Variants in LRP1B observed in about 807,000 individuals in gnomAD.
The protein encoded by LRP1B is LDL receptor related protein 1B.
A neutral mutation model predicts 556.6 loss-of-function variants in LRP1B; 217 were observed. The observed-to-expected ratio is 0.39, with a 90% CI of 0.35 to 0.44. The LOEUF (loss-of-function observed/expected upper bound fraction) is 0.44. Among genes scored for constraint, LRP1B ranks in the 20% least tolerant of loss-of-function variants. LRP1B has a pLI of 1.00. For missense variants in LRP1B, 5,053 were observed against 5,620.8 expected, an observed-to-expected ratio of 0.90 and a Z score of 3.23; for synonymous variants, 2,047 against 1,865.8, an observed-to-expected ratio of 1.10 and a Z score of -2.50.
chr2:140,327,085 T>A (rs532391816), intron 79 of LRP1B, among the ~76,000 whole-genome samples: 1 of 152,224 alleles, frequency 6.6e-6, no homozygotes, highest in East Asian at 1.9e-4. Context: ...TATTGCATAC[T>A]TCGGAAGTAC....
intron 79 of LRP1B, among the ~76,000 whole-genome samples, chr2:140,332,708 AAC>A (rs1342185163): frequency 2.0e-5 from 3 of 151,974 alleles, no homozygotes; most frequent in Non-Finnish European, 4.4e-5. Flanking sequence ...CTCGACCTGA[AAC>A]ACAGTTTACT....
At chr2:140,464,899 G>A (rs1687478982) in intron 60 of LRP1B, among the ~76,000 whole-genome samples, 2 of 152,054 alleles carry the variant, frequency 1.3e-5, no homozygotes, top group South Asian at 2.1e-4. Flanking sequence ...TCATATTCCT[G>A]CAATTATAAA....
At chr2:140,609,968 G>C (rs1382051869) in intron 41 of LRP1B, among the ~76,000 whole-genome samples, 1 of 151,820 alleles carries the variant, frequency 6.6e-6, no homozygotes, top group Non-Finnish European at 1.5e-5. Flanking sequence ...CCTTATCTCG[G>C]GTTAGTGTCC....
At chr2:141,408,141 AT>A (rs35914905) in intron 3 of LRP1B, among the ~76,000 whole-genome samples, 6,015 of 123,782 alleles carry the variant, frequency 0.049, 290 homozygotes, top group African/African-American at 0.17. Flanking sequence ...ATTTGGTTCA[AT>A]TTTTTTTTTT....
chr2:141,335,467 T>C (rs915609173), intron 3 of LRP1B, among the ~76,000 whole-genome samples: 5 of 152,182 alleles, frequency 3.3e-5, no homozygotes, highest in Non-Finnish European at 5.9e-5. Flanking sequence ...AGGGTCACGC[T>C]AAGGACCTTG....
At chr2:141,040,062 C>A (rs1698652410) in intron 11 of LRP1B, among the ~76,000 whole-genome samples, 1 of 152,030 alleles carries the variant, frequency 6.6e-6, no homozygotes, top group South Asian at 2.1e-4. Context: ...TCATTGATCT[C>A]AAGAGTTGCA....
chr2:141,132,238 T>C (rs1209784591), intron 7 of LRP1B, among the ~76,000 whole-genome samples: 1 of 151,954 alleles, frequency 6.6e-6, no homozygotes, highest in Non-Finnish European at 1.5e-5. Flanking sequence ...ATGTGAGGTA[T>C]TTGGATTATG....
At chr2:141,956,622 C>CT (rs1296068549) in intron 1 of LRP1B, among the ~76,000 whole-genome samples, 1 of 150,720 alleles carries the variant, frequency 6.6e-6, no homozygotes, top group East Asian at 2.0e-4. Context: ...ATGTTTTATG[C>CT]TTTTTTTGTA....
At chr2:140,271,011 AACTT>A (rs1682435863) in intron 85 of LRP1B, among the ~76,000 whole-genome samples, 1 of 151,976 alleles carries the variant, frequency 6.6e-6, no homozygotes, top group Non-Finnish European at 1.5e-5. Flanking sequence ...TTTCTTGAAA[AACTT>A]ACCAAATGTT....
chr2:141,492,364 C>A (rs546067477), intron 2 of LRP1B, among the ~76,000 whole-genome samples: 1 of 152,056 alleles, frequency 6.6e-6, no homozygotes, highest in East Asian at 1.9e-4. Flanking sequence ...AAAAACAAAA[C>A]AAAACAAAAC....
chr2:140,448,116 A>G (rs1254762942), intron 63 of LRP1B, among the ~76,000 whole-genome samples: 2 of 152,136 alleles, frequency 1.3e-5, no homozygotes, highest in Non-Finnish European at 2.9e-5. Context: ...ATTGTGAAAG[A>G]GAGACAAAGT....
At chr2:141,945,394 T>TG (rs969474322) in intron 1 of LRP1B, among the ~76,000 whole-genome samples, 5 of 152,132 alleles carry the variant, frequency 3.3e-5, no homozygotes, top group African/African-American at 1.2e-4. Context: ...ACTAAAATGT[T>TG]GAAGTTAACT....
rs78049545 is a variant in LRP1B at position 141,637,228 on chromosome 2, T to C, written c.206-156695A>G. On this transcript the variant is annotated intron_variant, in intron 2 of 90. Transcript: ENST00000389484. The stretch of plus-strand genomic sequence containing the variant: ...AACTTACCACAGTAATTAGAAATTA[T>C]GTATATGCCAGGCATTTTTGAGAAT... Among the ~76,000 whole-genome samples the C allele has an allele frequency of 4.7e-4, 71 of 152,276 alleles. 1 individual carries two copies. In the South Asian group the frequency reaches 6.8e-3, roughly 15 times the overall value.
intron 3 of LRP1B, among the ~76,000 whole-genome samples, chr2:141,407,868 C>G (rs1447755623): frequency 6.6e-6 from 1 of 152,050 alleles, no homozygotes; most frequent in Non-Finnish European, 1.5e-5. Flanking sequence ...ACTTAATATC[C>G]AGAGAAACTT....
At chr2:141,617,547 C>G (rs1398959851) in intron 2 of LRP1B, among the ~76,000 whole-genome samples, 1 of 152,092 alleles carries the variant, frequency 6.6e-6, no homozygotes, top group Non-Finnish European at 1.5e-5. Flanking sequence ...TCTATCAATG[C>G]TTTCCTTACT....
At chr2:141,009,643 T>C (rs1697682969) in intron 14 of LRP1B, among the ~76,000 whole-genome samples, 1 of 152,008 alleles carries the variant, frequency 6.6e-6, no homozygotes, top group African/African-American at 2.4e-5. Flanking sequence ...AAATATGTCA[T>C]ACATTAAATA....
At chr2:141,185,833 C>T (rs1681224924) in intron 7 of LRP1B, among the ~76,000 whole-genome samples, 1 of 151,748 alleles carries the variant, frequency 6.6e-6, no homozygotes, top group Non-Finnish European at 1.5e-5. Flanking sequence ...AATCCCAGTA[C>T]TTTGGGAGGC....
intron 43 of LRP1B, among the ~76,000 whole-genome samples, chr2:140,549,952 C>A (rs753227391): frequency 1.3e-5 from 2 of 151,936 alleles, no homozygotes; most frequent in Non-Finnish European, 2.9e-5. Flanking sequence ...TGGCTTGCTG[C>A]ACCCATCAAC....
In LRP1B at chr2:141,252,482, G is replaced by GA. The variant is rs1215289048; in HGVS notation, c.463+2039dup. Among the ~76,000 whole-genome samples the GA allele has an allele frequency of 3.9e-5, 6 of 152,144 alleles. No individual in the cohort carries two copies. In the East Asian group the frequency reaches 5.8e-4, roughly 15 times the overall value. On this transcript the variant is annotated intron_variant, in intron 4 of 90. Coordinates refer to ENST00000389484, the MANE Select transcript of LRP1B (RefSeq NM_018557.3). Reference sequence around the variant, plus strand: ...TTTGAAGTAAATGCTTTTGGTGATAGAAAAAATACAGCGTTTGGAGCTAAG... The same window carrying GA: ...TTTGAAGTAAATGCTTTTGGTGATAGAAAAAAATACAGCGTTTGGAGCTAAG...
Sources: allele counts gnomAD v4.1 joint callset (sites outside exome capture counted in the v4.1 genomes callset), GRCh38; gene constraint gnomAD v4.1.1; transcripts MANE v1.5; gene names NCBI Gene and HGNC (gene_info 2026-07-23, HGNC 2026-07-21).